The following SMARCA2 variants were observed in gnomAD, a reference collection of about 807,000 sequenced individuals.
SMARCA2 encodes the protein SWI/SNF-related matrix-associated actin-dependent regulator of chromatin subfamily A member 2.
SMARCA2 carries 61 observed loss-of-function variants against 199.8 expected under a neutral mutation model. The observed-to-expected ratio is 0.31, with a 90% CI of 0.25 to 0.38. SMARCA2 has a LOEUF of 0.38. Among genes scored for constraint, SMARCA2 ranks in the 10% least tolerant of loss-of-function variants. SMARCA2 has a pLI of 1.00. For synonymous variants in SMARCA2, 935 were observed against 732.0 expected (o/e 1.28, Z -4.48); for missense variants, 1,344 against 2,012.2 (o/e 0.67, Z 6.35).
At position 2,096,511 on chromosome 9, in the gene SMARCA2, C is replaced by T. The variant is rs573092418; in HGVS notation, c.2884-146C>T. 218 of 608,142 alleles carry T rather than the reference C, an allele frequency of 3.6e-4. 1 individual carries two copies. In the African/African-American group the frequency reaches 3.7e-3, roughly 10 times the overall value. 37.7% of individuals were successfully genotyped at this position (608,142 alleles called of 1,614,324 possible). ...GATGACTCTGGTCTCTTCTAACACCCCCATCTCACCCCGCACTCCGTGAAT... is the reference window on the plus strand; with the variant it reads ...GATGACTCTGGTCTCTTCTAACACCTCCATCTCACCCCGCACTCCGTGAAT... On this transcript the variant is annotated intron_variant, in intron 19 of 33. Transcript: ENST00000349721.
intron 14 of SMARCA2, 87 bp downstream of exon 14, chr9:2,077,863 G>A: frequency 3.3e-6 from 4 of 1,228,730 alleles, no homozygotes; most frequent in Non-Finnish European, 4.6e-6. Flanking sequence ...GTTGACTAAG[G>A]GCTTTTGATG....
At chr9:2,035,911 G>A (rs1819309891) in intron 3 of SMARCA2, among the ~76,000 whole-genome samples, 1 of 152,086 alleles carries the variant, frequency 6.6e-6, no homozygotes, top group Non-Finnish European at 1.5e-5. Context: ...TTTAGACTTG[G>A]TAATAGCACG....
chr9:2,143,442 G>A (rs1247719945), intron 27 of SMARCA2, among the ~76,000 whole-genome samples: 2 of 152,218 alleles, frequency 1.3e-5, no homozygotes, highest in Non-Finnish European at 1.5e-5. Flanking sequence ...CTCTGTTTAA[G>A]CAGAGAGAAG....
intron 19 of SMARCA2, among the ~76,000 whole-genome samples, chr9:2,089,555 G>T (rs554977801): frequency 4.6e-5 from 7 of 152,164 alleles, no homozygotes; most frequent in South Asian, 4.2e-4. Flanking sequence ...TGTTACGAGA[G>T]AATTTTATTC....
At chr9:2,044,745 G>A (rs199769006) in intron 4 of SMARCA2, 1 of 152,196 alleles carries the variant, frequency 6.6e-6, no homozygotes, top group East Asian at 1.9e-4. Flanking sequence ...AAGATACAGG[G>A]TGTTTAAAGG....
intron 1 of SMARCA2, among the ~76,000 whole-genome samples, chr9:2,020,279 T>C (rs1403877163): frequency 6.6e-6 from 1 of 152,092 alleles, no homozygotes. Context: ...CCCTTAAATA[T>C]TGTGTTTTGG....
intron 1 of SMARCA2, among the ~76,000 whole-genome samples, chr9:2,025,261 G>C (rs1253010856): frequency 6.6e-6 from 1 of 151,918 alleles, no homozygotes; most frequent in Non-Finnish European, 1.5e-5. Context: ...AGAACATAGT[G>C]GTTTGGCCCT....
At chr9:2,080,272 C>T (rs1445656290) in intron 14 of SMARCA2, 3 of 152,210 alleles carry the variant, frequency 2.0e-5, no homozygotes, top group Admixed American at 2.0e-4. Flanking sequence ...AAGCTTGGTT[C>T]AATATCTAAT....
chr9:2,091,696 T>C (rs1323535928), intron 19 of SMARCA2, among the ~76,000 whole-genome samples: 1 of 152,220 alleles, frequency 6.6e-6, no homozygotes, highest in Non-Finnish European at 1.5e-5. Flanking sequence ...TTAGACTGTC[T>C]GAAGCACTGG....
At chr9:2,036,998 C>T (rs963067223) in intron 3 of SMARCA2, among the ~76,000 whole-genome samples, 6 of 152,070 alleles carry the variant, frequency 3.9e-5, no homozygotes, top group African/African-American at 9.7e-5. Flanking sequence ...TAGGAAAGAC[C>T]GGAAATCAGG....
chr9:2,064,939 C>G (rs985520645), intron 9 of SMARCA2, among the ~76,000 whole-genome samples: 1 of 152,228 alleles, frequency 6.6e-6, no homozygotes, highest in Non-Finnish European at 1.5e-5. Context: ...AATCCCAGCA[C>G]TTTGGGAGGC....
chr9:2,100,035 G>T (rs991782420), intron 21 of SMARCA2, among the ~76,000 whole-genome samples: 4 of 152,152 alleles, frequency 2.6e-5, no homozygotes, highest in African/African-American at 9.7e-5. Context: ...GAGCATATTT[G>T]AGAGTACTGT....
chr9:2,044,739 T>C (rs1436738232), intron 4 of SMARCA2: 4 of 152,238 alleles, frequency 2.6e-5, no homozygotes, highest in African/African-American at 4.8e-5. Context: ...TCTGGGAAGA[T>C]ACAGGGTGTT....
intron 24 of SMARCA2, among the ~76,000 whole-genome samples, chr9:2,112,858 G>C (rs1285067781): frequency 1.3e-5 from 2 of 152,130 alleles, no homozygotes; most frequent in Admixed American, 6.5e-5. Context: ...ACTAAATATT[G>C]TTAGGCACTT....
At chr9:2,112,235 A>G (rs972422935) in intron 24 of SMARCA2, among the ~76,000 whole-genome samples, 2 of 152,094 alleles carry the variant, frequency 1.3e-5, no homozygotes, top group South Asian at 2.1e-4. Context: ...GGTGTGCTCA[A>G]TGTGATTGGA....
chr9:2,187,292 G>T (rs150092177), intron 32 of SMARCA2, among the ~76,000 whole-genome samples: 7 of 152,102 alleles, frequency 4.6e-5, no homozygotes, highest in Admixed American at 4.6e-4. Flanking sequence ...TACACCCAAG[G>T]TGCGTGCCTC....
chr9:2,057,677 T>C (rs923482159), intron 7 of SMARCA2, among the ~76,000 whole-genome samples: 1 of 152,188 alleles, frequency 6.6e-6, no homozygotes, highest in Non-Finnish European at 1.5e-5. Flanking sequence ...TTTGGAAATA[T>C]TTTGATGTAG....
At chr9:2,105,470 T>C (rs1463857833) in intron 23 of SMARCA2, among the ~76,000 whole-genome samples, 3 of 151,958 alleles carry the variant, frequency 2.0e-5, no homozygotes, top group Non-Finnish European at 2.9e-5. Flanking sequence ...CCCAGGCTGG[T>C]CTTGAACTCC....
intron 27 of SMARCA2, among the ~76,000 whole-genome samples, chr9:2,136,360 A>T (rs1824197374): frequency 6.7e-6 from 1 of 149,900 alleles, no homozygotes; most frequent in East Asian, 2.0e-4. Flanking sequence ...GCTAATTTTT[A>T]TATTATTGGT....
Sources: allele counts gnomAD v4.1 joint callset (sites outside exome capture counted in the v4.1 genomes callset), GRCh38; gene constraint gnomAD v4.1.1; transcripts MANE v1.5; gene names NCBI Gene and HGNC (gene_info 2026-07-23, HGNC 2026-07-21).